BIK: variants seen among roughly 807,000 people sequenced by gnomAD.
The protein encoded by BIK is bcl-2-interacting killer.
A neutral mutation model predicts 12.1 loss-of-function variants in BIK; 14 were observed. That is an observed-to-expected ratio of 1.16 (90% CI 0.77 to 1.81). The LOEUF (loss-of-function observed/expected upper bound fraction) is 1.81, where lower values mean the gene tolerates loss of function less well. Ranked by LOEUF, BIK falls within the 40% of genes most tolerant of loss-of-function variation. BIK has a pLI of 0.00. For synonymous variants in BIK, 86 were observed against 92.3 expected (o/e 0.93, Z 0.39); for missense variants, 215 against 207.9 (o/e 1.03, Z -0.21).
intron 1 of BIK, among the ~76,000 whole-genome samples, chr22:43,116,931 C>G (rs1268625650): frequency 1.3e-5 from 2 of 152,132 alleles, no homozygotes; most frequent in Admixed American, 6.6e-5. Context: ...CAGAGAGACC[C>G]TGTCTCAAAA....
At chr22:43,126,227 C>T (rs1930313091) in intron 2 of BIK, among the ~76,000 whole-genome samples, 1 of 150,210 alleles carries the variant, frequency 6.7e-6, no homozygotes, top group Admixed American at 6.6e-5. Context: ...GCTGTGTCGC[C>T]CAGGCTGGAG....
chr22:43,126,295 C>T (rs1930314808), intron 2 of BIK, among the ~76,000 whole-genome samples: 1 of 152,076 alleles, frequency 6.6e-6, no homozygotes. Flanking sequence ...ACGCCATTCT[C>T]CTGCCTCAGC....
chr22:43,125,503 C>T (rs1484420161), intron 2 of BIK, among the ~76,000 whole-genome samples: 4 of 149,394 alleles, frequency 2.7e-5, no homozygotes, highest in Non-Finnish European at 5.9e-5. Flanking sequence ...GTTGGGAGTT[C>T]GAGACTAGCC....
chr22:43,119,550 AT>A (rs912634937), intron 1 of BIK, among the ~76,000 whole-genome samples: 38 of 147,242 alleles, frequency 2.6e-4, no homozygotes, highest in South Asian at 4.3e-4. Context: ...CTCCATTCTA[AT>A]TTTTTTTTTT....
chr22:43,124,326 C>A, intron 2 of BIK, 143 bp downstream of exon 2: 1 of 1,040,314 alleles, frequency 9.6e-7, no homozygotes, highest in Non-Finnish European at 1.4e-6. Flanking sequence ...CGGATGTGGG[C>A]ATGGAGGCTT....
intron 1 of BIK, among the ~76,000 whole-genome samples, chr22:43,113,483 C>T (rs1284617434): frequency 1.3e-5 from 2 of 151,666 alleles, no homozygotes; most frequent in East Asian, 1.9e-4. Context: ...ACCCAGGAGG[C>T]GGAGATTGCA....
chr22:43,116,052 C>T (rs573312561), intron 1 of BIK, among the ~76,000 whole-genome samples: 37 of 152,170 alleles, frequency 2.4e-4, no homozygotes, highest in African/African-American at 8.0e-4. Flanking sequence ...CACCGCGCCC[C>T]GGCCCAGAAC....
At chr22:43,126,522 G>A (rs1930319860) in intron 2 of BIK, among the ~76,000 whole-genome samples, 1 of 152,138 alleles carries the variant, frequency 6.6e-6, no homozygotes, top group Non-Finnish European at 1.5e-5. Flanking sequence ...TGGTACAGAT[G>A]AGGAACGTGA....
At chr22:43,128,921 A>G (rs1459729672) in intron 4 of BIK, among the ~76,000 whole-genome samples, 1 of 152,166 alleles carries the variant, frequency 6.6e-6, no homozygotes, top group South Asian at 2.1e-4. Flanking sequence ...GCCTGGTCCC[A>G]TGGTGTCCAC....
intron 1 of BIK, among the ~76,000 whole-genome samples, chr22:43,120,587 T>C (rs1326437911): frequency 6.6e-6 from 1 of 152,194 alleles, no homozygotes; most frequent in African/African-American, 2.4e-5. Flanking sequence ...TGGAGACCAG[T>C]AAGGCATTCA....
At chr22:43,121,591 G>A (rs1053919735) in intron 1 of BIK, among the ~76,000 whole-genome samples, 50 of 152,136 alleles carry the variant, frequency 3.3e-4, no homozygotes, top group African/African-American at 1.1e-3. Flanking sequence ...TGCGGGGCGT[G>A]GAGGTACTGG....
Position 43,129,256 on chromosome 22 carries a change from C to T in BIK, c.434C>T (p.Ala145Val), listed in dbSNP as rs148407250. Residue 145 changes from alanine to valine, a missense_variant, in exon 5 of 5, where the codon GCG (alanine) becomes GTG (valine). Physicochemically the swap from Ala to Val is moderately conservative, Grantham distance 64. Transcript: ENST00000216115. ...QVLLALLLLL[A>V]LLLPLLSGGL... The stretch of plus-strand genomic sequence containing the variant: ...CTGCTGGCGCTGCTGCTGCTGCTGG[C>T]GCTGCTGCTGCCGCTGCTCAGCGGG... The T allele has an allele frequency of 4.8e-3, 7,673 of 1,593,276 alleles. 31 individuals are homozygous for T. Among genetic ancestry groups the T allele is most frequent in the Middle Eastern group, 9.5e-3 (55 of 5,782 alleles).
chr22:43,127,743 G>A lies in BIK; in HGVS notation c.208G>A (p.Val70Met), dbSNP rs576624864. The part of the protein sequence containing the change: ...RLACIGDEMD[V>M]SLRAPRLAQL... ...GGCCTGCATCGGGGACGAGATGGAC[G>A]TGAGCCTCAGGGCCCCGCGCCTGGC... The change falls in exon 3 of 5, where the codon GTG (valine) becomes ATG (methionine). Residue 70 changes from valine to methionine, a missense_variant. Physicochemically the swap from Val to Met is conservative, Grantham distance 21. Transcript: ENST00000216115. 6 of 1,554,552 alleles carry A rather than the reference G, an allele frequency of 3.9e-6. No homozygotes were observed. Among genetic ancestry groups the A allele is most frequent in the African/African-American group, 2.7e-5 (2 of 73,362 alleles).
rs1930400016 is a variant in BIK at position 43,129,585 on chromosome 22, G to C, written c.*280G>C. 3 of 512,892 alleles carry C rather than the reference G, an allele frequency of 5.8e-6. No individual in the cohort carries two copies. The highest frequency in any genetic ancestry group is 2.0e-5 in the African/African-American group (1 of 50,300). 31.8% of individuals were successfully genotyped at this position (512,892 alleles called of 1,614,324 possible). ...GGAAGAGCCATTCACTCCTGCCCCT[G>C]CCCACACGGCAGGTAGCAGGGGGAG... On this transcript the variant is annotated 3_prime_UTR_variant, in exon 5 of 5. Transcript: ENST00000216115.
At chr22:43,115,293 CAGAG>C (rs1930089203) in intron 1 of BIK, among the ~76,000 whole-genome samples, 2 of 151,958 alleles carry the variant, frequency 1.3e-5, no homozygotes, top group Admixed American at 6.6e-5. Context: ...ATGTTGGTAA[CAGAG>C]GGAGGATGTA....
At chr22:43,111,495 C>T (rs1390568665) in intron 1 of BIK, among the ~76,000 whole-genome samples, 1 of 152,086 alleles carries the variant, frequency 6.6e-6, no homozygotes, top group East Asian at 1.9e-4. Flanking sequence ...GAGGTGCGCC[C>T]CTGCGGGTGA....
chr22:43,129,588 C>T lies in BIK; in HGVS notation c.*283C>T. 2 of 511,232 alleles carry T rather than the reference C, an allele frequency of 3.9e-6. No homozygotes were observed. The highest frequency in any genetic ancestry group is 6.8e-6 in the Non-Finnish European group (2 of 293,460). The allele number at this position is 511,232 out of a possible 1,614,324, so 31.7% of individuals were successfully genotyped here. On this transcript the variant is annotated 3_prime_UTR_variant, in exon 5 of 5. Transcript: ENST00000216115. The stretch of plus-strand genomic sequence containing the variant: ...AGAGCCATTCACTCCTGCCCCTGCC[C>T]ACACGGCAGGTAGCAGGGGGAGTGC...
chr22:43,121,876 C>T (rs906753924), intron 1 of BIK, among the ~76,000 whole-genome samples: 47 of 152,194 alleles, frequency 3.1e-4, no homozygotes, highest in African/African-American at 1.1e-3. Context: ...GGATTACAGG[C>T]GTATGTCACC....
At chr22:43,125,574 C>G (rs1461812305) in intron 2 of BIK, among the ~76,000 whole-genome samples, 1 of 80,562 alleles carries the variant, frequency 1.2e-5, no homozygotes, top group Admixed American at 1.4e-4. Flanking sequence ...GGTATGGGGC[C>G]GGGGGTGGGG....
Sources: allele counts gnomAD v4.1 joint callset (sites outside exome capture counted in the v4.1 genomes callset), GRCh38; gene constraint gnomAD v4.1.1; transcripts MANE v1.5; gene names NCBI Gene and HGNC (gene_info 2026-07-23, HGNC 2026-07-21).